Variants in NCOA3 observed in about 807,000 individuals in gnomAD.
NCOA3 encodes nuclear receptor coactivator 3, also known as CBP-interacting protein.
In NCOA3, 51 loss-of-function variants were observed where a neutral mutation model predicts 158.8. The observed-to-expected ratio is 0.32, with a 90% CI of 0.26 to 0.41. The LOEUF is 0.41. Ranked by LOEUF, NCOA3 falls within the 10% of genes least tolerant of loss-of-function variation. NCOA3 has a pLI of 1.00. For synonymous variants in NCOA3, 537 were observed against 592.4 expected (o/e 0.91, Z 1.36); for missense variants, 1,510 against 1,746.6 (o/e 0.86, Z 2.41).
At chr20:47,505,997 G>T (rs2146040864) in intron 1 of NCOA3, among the ~76,000 whole-genome samples, 1 of 152,074 alleles carries the variant, frequency 6.6e-6, no homozygotes, top group East Asian at 1.9e-4. Flanking sequence ...TAGAGATGGG[G>T]TTTCATCGTG....
intron 20 of NCOA3, among the ~76,000 whole-genome samples, chr20:47,651,877 AG>A (rs1365376885): frequency 1.3e-5 from 2 of 151,600 alleles, no homozygotes; most frequent in Non-Finnish European, 2.9e-5. Context: ...TGTGTTAGCC[AG>A]GATGGTCTCG....
At chr20:47,566,772 A>T (rs1256369980) in intron 1 of NCOA3, among the ~76,000 whole-genome samples, 1 of 152,062 alleles carries the variant, frequency 6.6e-6, no homozygotes, top group African/African-American at 2.4e-5. Flanking sequence ...GGCCACCCAC[A>T]GTGTTGAGAT....
At chr20:47,645,947 G>A (rs925436646) in intron 17 of NCOA3, among the ~76,000 whole-genome samples, 7 of 152,166 alleles carry the variant, frequency 4.6e-5, no homozygotes, top group African/African-American at 1.7e-4. Flanking sequence ...GTGGTCACAC[G>A]TGTTTACTCT....
intron 2 of NCOA3, among the ~76,000 whole-genome samples, chr20:47,586,591 T>C (rs946625982): frequency 6.6e-6 from 1 of 152,222 alleles, no homozygotes; most frequent in South Asian, 2.1e-4. Context: ...TTGTAGCATT[T>C]TCTATGCTTC....
At chr20:47,641,034 GCAGA>G (rs1568749784) in intron 16 of NCOA3, among the ~76,000 whole-genome samples, 1 of 152,204 alleles carries the variant, frequency 6.6e-6, no homozygotes, top group Non-Finnish European at 1.5e-5. Context: ...GATCTATTGA[GCAGA>G]CAGTGATGTA....
At position 47,636,138 on chromosome 20, in the gene NCOA3, G is replaced by A; in HGVS notation, c.1752G>A (p.Met584Ile). 5 of 1,614,194 alleles carry A rather than the reference G, an allele frequency of 3.1e-6. No homozygotes were observed. The highest frequency in any genetic ancestry group is 1.1e-5 in the South Asian group (1 of 91,082). Residue 584 changes from methionine to isoleucine, a missense_variant, in exon 12 of 23, where the codon ATG (methionine) becomes ATA (isoleucine). This residue lies in a region of NCOA3 where 1,017 missense variants were observed against 1,098.3 expected (regional missense o/e 0.93). Transcript: ENST00000371998. ...YCDQNPVESS[M>I]CQSNSRDHLS... ...ACCAAAATCCAGTGGAGAGTTCAAT[G>A]TGTCAGTCAAATAGCAGAGATCACC... is the stretch of plus-strand genomic sequence containing the variant.
At position 47,656,373 on chromosome 20, in the gene NCOA3, TA is replaced by T. The variant is rs2086874638; in HGVS notation, c.*2957del. On this transcript the variant is annotated 3_prime_UTR_variant, in exon 23 of 23. Transcript: ENST00000371998. ...TGAGGTGAGTTGGGGGTATCTATAT[TA>T]GGGGTAGGGTATTACAGAAGATAAT... 6.6e-6 allele frequency: 1 copy of T among 152,124 alleles called. No individual in the cohort carries two copies. The highest frequency in any genetic ancestry group is 1.5e-5 in the Non-Finnish European group (1 of 68,020). 9.4% of individuals were successfully genotyped at this position (152,124 alleles called of 1,614,324 possible). A position where few individuals can be genotyped will look rare whatever the true frequency, so the allele number is the denominator to read the frequency against.
At chr20:47,539,915 T>C (rs1370152734) in intron 1 of NCOA3, among the ~76,000 whole-genome samples, 4 of 152,230 alleles carry the variant, frequency 2.6e-5, no homozygotes, top group African/African-American at 4.8e-5. Context: ...ATTTTAAAGA[T>C]GTAAAAATAT....
chr20:47,519,206 G>A lies in NCOA3; in HGVS notation c.-99+17187G>A, dbSNP rs148101138. 2.3e-3 allele frequency among the ~76,000 whole-genome samples: 343 copies of A among 151,432 alleles called. 1 individual carries two copies. The highest frequency in any genetic ancestry group is 8.1e-3 in the African/African-American group (332 of 41,230). On this transcript the variant is annotated intron_variant, in intron 1 of 22. Coordinates refer to ENST00000371998, the MANE Select transcript of NCOA3 (RefSeq NM_181659.3). Reference sequence around the variant, plus strand: ...TCTCAGCACTTTGGGAGGCCGAGGCGGGTGGATCACTTGAGGTCAGAAGAT... The same window carrying A: ...TCTCAGCACTTTGGGAGGCCGAGGCAGGTGGATCACTTGAGGTCAGAAGAT...
At chr20:47,590,926 G>A (rs573384584) in intron 2 of NCOA3, among the ~76,000 whole-genome samples, 25 of 152,146 alleles carry the variant, frequency 1.6e-4, no homozygotes, top group Non-Finnish European at 2.2e-4. Context: ...CCTGACCAAC[G>A]TGGTGAAACC....
At chr20:47,546,773 T>C (rs2084836479) in intron 1 of NCOA3, among the ~76,000 whole-genome samples, 1 of 152,040 alleles carries the variant, frequency 6.6e-6, no homozygotes, top group African/African-American at 2.4e-5. Flanking sequence ...TCAGGTGATC[T>C]TCCCGCCCTG....
chr20:47,634,536 A>C (rs2086477318), intron 10 of NCOA3, among the ~76,000 whole-genome samples: 1 of 152,208 alleles, frequency 6.6e-6, no homozygotes, highest in Admixed American at 6.5e-5. Context: ...AACTTCAAGA[A>C]TAAAGGTAGT....
intron 1 of NCOA3, among the ~76,000 whole-genome samples, chr20:47,579,998 C>T (rs974931495): frequency 2.6e-5 from 4 of 152,108 alleles, no homozygotes; most frequent in African/African-American, 4.8e-5. Flanking sequence ...CTTATTCATT[C>T]GCTGTTCCTC....
chr20:47,584,029 T>C (rs1355478586), intron 2 of NCOA3, among the ~76,000 whole-genome samples: 1 of 152,178 alleles, frequency 6.6e-6, no homozygotes, highest in East Asian at 1.9e-4. Context: ...ACTCATATGC[T>C]CACAACTATG....
At position 47,533,798 on chromosome 20, in the gene NCOA3, G is replaced by T. The variant is rs374285417; in HGVS notation, c.-99+31779G>T. 2.6e-5 allele frequency among the ~76,000 whole-genome samples: 4 copies of T among 152,140 alleles called. No individual in the cohort carries two copies. The East Asian group carries it at 7.7e-4, about 29-fold the overall frequency. ...AAATTAGCCCAGCATGGTGGCAGGT[G>T]CCTGTGGTCCTAGCTTACTGGGGAG... is the stretch of plus-strand genomic sequence containing the variant. On this transcript the variant is annotated intron_variant, in intron 1 of 22. Coordinates refer to ENST00000371998, the MANE Select transcript of NCOA3 (RefSeq NM_181659.3).
chr20:47,596,570 A>AG (rs1290911580), intron 2 of NCOA3, among the ~76,000 whole-genome samples: 1 of 152,170 alleles, frequency 6.6e-6, no homozygotes, highest in Non-Finnish European at 1.5e-5. Flanking sequence ...GTACTACTTT[A>AG]GAAAAAGTAA....
chr20:47,512,911 A>G (rs2084170018), intron 1 of NCOA3, among the ~76,000 whole-genome samples: 1 of 152,218 alleles, frequency 6.6e-6, no homozygotes, highest in African/African-American at 2.4e-5. Flanking sequence ...TAATCCCAGC[A>G]CTTTGGAAGG....
At chr20:47,578,511 A>G (rs1021951752) in intron 1 of NCOA3, among the ~76,000 whole-genome samples, 1 of 152,222 alleles carries the variant, frequency 6.6e-6, no homozygotes, top group African/African-American at 2.4e-5. Context: ...TGAAATGTTC[A>G]TATGATTTTC....
Position 47,530,537 on chromosome 20 carries a change from A to G in NCOA3, c.-99+28518A>G, listed in dbSNP as rs889897293. ...TAGGGCCGTGGCACGATCTTGGCTC[A>G]TTGCAACCTCCGCCTCCTGGGTTCA... On this transcript the variant is annotated intron_variant, in intron 1 of 22. Coordinates refer to ENST00000371998, the MANE Select transcript of NCOA3 (RefSeq NM_181659.3). 3.4e-5 allele frequency among the ~76,000 whole-genome samples: 5 copies of G among 145,160 alleles called. No individual in the cohort carries two copies. The South Asian group carries it at 8.5e-4, about 25-fold the overall frequency.
Sources: allele counts gnomAD v4.1 joint callset (sites outside exome capture counted in the v4.1 genomes callset), GRCh38; gene constraint gnomAD v4.1.1; regional missense constraint gnomAD v4.1.1; transcripts MANE v1.5; gene names NCBI Gene and HGNC (gene_info 2026-07-23, HGNC 2026-07-21).